Variants in ADGRB1 observed in about 807,000 individuals in gnomAD.
The protein encoded by ADGRB1 is brain-specific angiogenesis inhibitor 1.
A neutral mutation model predicts 175.7 loss-of-function variants in ADGRB1; 36 were observed. That is an observed-to-expected ratio of 0.20 (90% CI 0.16 to 0.27). The LOEUF (loss-of-function observed/expected upper bound fraction) is 0.27. ADGRB1 is among the 10% of genes least tolerant of loss of function. The pLI is 1.00. For missense variants in ADGRB1, 1,731 were observed against 2,255.3 expected, an observed-to-expected ratio of 0.77 and a Z score of 4.71; for synonymous variants, 1,054 against 979.4, an observed-to-expected ratio of 1.08 and a Z score of -1.42.
chr8:142,477,357 GGCA>G, intron 5 of ADGRB1, 25 bp from the exon 6 acceptor site: 2 of 1,596,876 alleles, frequency 1.3e-6, no homozygotes, highest in Non-Finnish European at 1.7e-6. Flanking sequence ...GGCCGCAGTG[GGCA>G]GCAGCACCTT....
At chr8:142,532,224 G>T (rs888928731) in intron 24 of ADGRB1, among the ~76,000 whole-genome samples, 26 of 152,184 alleles carry the variant, frequency 1.7e-4, no homozygotes, top group Non-Finnish European at 3.1e-4. Flanking sequence ...GCCTCCTGCG[G>T]GCAGGCACAG....
intron 2 of ADGRB1, among the ~76,000 whole-genome samples, chr8:142,468,223 T>G (rs6583633): frequency 1.7e-4 from 26 of 151,562 alleles, no homozygotes; most frequent in African/African-American, 4.9e-4. Flanking sequence ...TGTGTGTGTG[T>G]GTGCGTGTGC....
At chr8:142,473,747 C>T (rs1840786541) in intron 2 of ADGRB1, among the ~76,000 whole-genome samples, 1 of 152,204 alleles carries the variant, frequency 6.6e-6, no homozygotes, top group Non-Finnish European at 1.5e-5. Context: ...GTGTGGGGGC[C>T]TGGAAGACTC....
intron 9 of ADGRB1, among the ~76,000 whole-genome samples, chr8:142,480,225 C>G (rs1841260499): frequency 6.6e-6 from 1 of 152,190 alleles, no homozygotes; most frequent in African/African-American, 2.4e-5. Flanking sequence ...TCCTTTGCTC[C>G]TCCTTTTTGA....
In ADGRB1 at chr8:142,542,554, G is replaced by T. The variant is rs1263870466; in HGVS notation, c.4320G>T (p.Gly1440=). The change falls in exon 28 of 31, where the codon GGG becomes GGT. Residue 1440 remains glycine (G), a synonymous_variant. Transcript: ENST00000517894. This position sits in a 1 kb window ranked among gnomAD's most constrained non-coding sequence, Gnocchi z 6.3. ...TGGAGCCGGCACCCCCCAGCCTGGG[G>T]GATCCCGGGGAGCCTGCCGCCCATC... ...PNLEPAPPSL[G]DPGEPAAHPG... 1 of 1,524,208 alleles carries T rather than the reference G, an allele frequency of 6.6e-7. No individual in the cohort carries two copies. Among genetic ancestry groups the T allele is most frequent in the Non-Finnish European group, 8.8e-7 (1 of 1,136,548 alleles). The allele number at this position is 1,524,208 out of a possible 1,614,324, so 94.4% of individuals were successfully genotyped here. A position where few individuals can be genotyped will look rare whatever the true frequency, so the allele number is the denominator to read the frequency against.
chr8:142,471,879 C>T (rs965193652), intron 2 of ADGRB1, among the ~76,000 whole-genome samples: 24 of 152,232 alleles, frequency 1.6e-4, no homozygotes, highest in Admixed American at 8.5e-4. Context: ...CTCCCTTCCA[C>T]GTCCGTGCAG....
At chr8:142,454,077 G>C (rs564428175) in intron 1 of ADGRB1, among the ~76,000 whole-genome samples, 1 of 152,164 alleles carries the variant, frequency 6.6e-6, no homozygotes, top group Non-Finnish European at 1.5e-5. Flanking sequence ...GGAGGGTCTC[G>C]AACAGGGTTG....
At chr8:142,480,145 C>T (rs1279534669) in intron 9 of ADGRB1, among the ~76,000 whole-genome samples, 2 of 152,208 alleles carry the variant, frequency 1.3e-5, no homozygotes, top group African/African-American at 4.8e-5. Flanking sequence ...GAGGAGGTCT[C>T]TGTTGAATGC....
At chr8:142,490,951 G>A (rs895570937) in intron 17 of ADGRB1, 136 bp downstream of exon 17, 49 of 1,181,806 alleles carry the variant, frequency 4.1e-5, no homozygotes, top group Non-Finnish European at 5.3e-5. Flanking sequence ...ATGGGCCTCC[G>A]TGTCACCACC....
intron 17 of ADGRB1, among the ~76,000 whole-genome samples, chr8:142,494,093 G>A (rs967755583): frequency 3.9e-5 from 6 of 152,152 alleles, no homozygotes; most frequent in African/African-American, 7.2e-5. Context: ...GGTTTGTGGC[G>A]GGAGGGGAGT....
chr8:142,515,013 CAGG>C (rs1428264888), intron 18 of ADGRB1, among the ~76,000 whole-genome samples: 2 of 152,006 alleles, frequency 1.3e-5, no homozygotes, highest in African/African-American at 4.8e-5. Context: ...ATATAGGGTT[CAGG>C]AGAAGATTGG....
At position 142,511,049 on chromosome 8, in the gene ADGRB1, CT is replaced by C; in HGVS notation, c.2795del (p.Leu932Ter). ...GTGACCGGCTCTCCACCTTCGCCATCTTAGCCCAGCTCAGCGCCGACGCGGT... is the reference window on the plus strand; with the variant it reads ...GTGACCGGCTCTCCACCTTCGCCATCTAGCCCAGCTCAGCGCCGACGCGGT... ...LCDRLSTFAI[L>X]AQLSADANME... On this transcript the variant is annotated frameshift_variant, in exon 18 of 31. Coordinates refer to ENST00000517894, the MANE Select transcript of ADGRB1 (RefSeq NM_001702.3). LOFTEE classifies it high-confidence loss of function. The surrounding 1 kb of genome is among the most constrained non-coding windows in gnomAD (Gnocchi z 4.5). 2 of 1,273,852 alleles carry C rather than the reference CT, an allele frequency of 1.6e-6. No homozygotes were observed. The highest frequency in any genetic ancestry group is 2.0e-6 in the Non-Finnish European group (2 of 991,850). The allele number at this position is 1,273,852 out of a possible 1,614,324, so 78.9% of individuals were successfully genotyped here. A position where few individuals can be genotyped will look rare whatever the true frequency, so the allele number is the denominator to read the frequency against.
intron 20 of ADGRB1, among the ~76,000 whole-genome samples, chr8:142,521,378 CT>C (rs1163345764): frequency 2.0e-5 from 3 of 152,226 alleles, no homozygotes; most frequent in Admixed American, 6.5e-5. Context: ...CCCAGACCCC[CT>C]ATCCCTGGTT....
chr8:142,523,764 G>T (rs763860947), intron 22 of ADGRB1, among the ~76,000 whole-genome samples: 1 of 140,260 alleles, frequency 7.1e-6, no homozygotes, highest in Non-Finnish European at 1.6e-5. Flanking sequence ...GAGAATGTGG[G>T]GCTGCTTACT....
At position 142,536,980 on chromosome 8, in the gene ADGRB1, TC is replaced by T; in HGVS notation, c.3571-3del. On this transcript the variant is annotated splice_polypyrimidine_tract_variant and splice_region_variant and intron_variant, in intron 25 of 30. Transcript: ENST00000517894. The stretch of plus-strand genomic sequence containing the variant: ...TGCCACTGAGGTGCTCGGCTCTCCC[TC>T]CCCAGGTCCAGGACGCTGTGAAATG... 6.3e-7 allele frequency: 1 copy of T among 1,578,156 alleles called. No individual in the cohort carries two copies. The highest frequency in any genetic ancestry group is 1.8e-5 in the Admixed American group (1 of 55,972).
At chr8:142,506,004 G>A (rs1389593216) in intron 17 of ADGRB1, among the ~76,000 whole-genome samples, 1 of 152,230 alleles carries the variant, frequency 6.6e-6, no homozygotes, top group Admixed American at 6.5e-5. Context: ...CGTCCTGGCT[G>A]TGCGCCCTAC....
At chr8:142,539,500 C>T in intron 27 of ADGRB1, 87 bp downstream of exon 27, 1 of 1,490,804 alleles carries the variant, frequency 6.7e-7, no homozygotes. Flanking sequence ...TCCCCCACAT[C>T]ACCCATCCCT....
chr8:142,478,901 G>A (rs1164138632), intron 7 of ADGRB1, among the ~76,000 whole-genome samples: 1 of 148,472 alleles, frequency 6.7e-6, no homozygotes, highest in Non-Finnish European at 1.5e-5. Context: ...GTATCCATGG[G>A]GAAGTGGAGT....
At chr8:142,470,314 A>G (rs186282551) in intron 2 of ADGRB1, among the ~76,000 whole-genome samples, 6 of 152,332 alleles carry the variant, frequency 3.9e-5, no homozygotes, top group Admixed American at 2.6e-4. Context: ...TGTTTTAATT[A>G]AAGAATTTTA....
Sources: gnomAD v4.1 joint callset for allele counts (sites outside exome capture counted in the v4.1 genomes callset) on GRCh38, gnomAD v4.1.1 for gene constraint, Gnocchi (gnomAD v3.1) non-coding constraint, MANE v1.5 for transcripts, NCBI Gene and HGNC (gene_info 2026-07-23, HGNC 2026-07-21) for gene names.